The following NDST4 variants were observed in gnomAD, a reference collection of about 807,000 sequenced individuals.
NDST4 encodes N-heparan sulfate sulfotransferase 4.
A neutral mutation model predicts 100.8 loss-of-function variants in NDST4; 63 were observed. The observed-to-expected ratio is 0.62, with a 90% CI of 0.51 to 0.77. The LOEUF is 0.77. Ranked by LOEUF, NDST4 falls within the 30% of genes least tolerant of loss-of-function variation. NDST4 has a pLI of 0.00. For missense variants in NDST4, 943 were observed against 1,018.4 expected, an observed-to-expected ratio of 0.93 and a Z score of 1.01; for synonymous variants, 377 against 361.8, an observed-to-expected ratio of 1.04 and a Z score of -0.48.
intron 2 of NDST4, among the ~76,000 whole-genome samples, chr4:115,018,385 C>A (rs1346329533): frequency 6.6e-6 from 1 of 151,794 alleles, no homozygotes; most frequent in African/African-American, 2.4e-5. Context: ...ATCTCTTTTT[C>A]CACATAAACA....
At chr4:114,876,411 A>G (rs1724255121) in intron 6 of NDST4, among the ~76,000 whole-genome samples, 1 of 152,262 alleles carries the variant, frequency 6.6e-6, no homozygotes, top group Non-Finnish European at 1.5e-5. Flanking sequence ...TTGTACTCAC[A>G]TTTTTCTTAT....
intron 2 of NDST4, among the ~76,000 whole-genome samples, chr4:115,059,641 T>C (rs1728776823): frequency 6.6e-6 from 1 of 152,070 alleles, no homozygotes; most frequent in African/African-American, 2.4e-5. Flanking sequence ...ATCTATCTTT[T>C]AACCCGCTTT....
chr4:114,866,083 A>G (rs1560785564), intron 7 of NDST4, among the ~76,000 whole-genome samples: 1 of 152,228 alleles, frequency 6.6e-6, no homozygotes, highest in Non-Finnish European at 1.5e-5. Flanking sequence ...ATTTCACTGA[A>G]AAGACTAAAA....
At chr4:115,074,070 G>A (rs962079037) in intron 2 of NDST4, among the ~76,000 whole-genome samples, 6 of 151,726 alleles carry the variant, frequency 4.0e-5, no homozygotes, top group African/African-American at 1.5e-4. Flanking sequence ...TCAATATATA[G>A]GATATAATTC....
At chr4:114,903,245 C>T (rs952642099) in intron 6 of NDST4, among the ~76,000 whole-genome samples, 2 of 152,038 alleles carry the variant, frequency 1.3e-5, no homozygotes, top group Non-Finnish European at 2.9e-5. Flanking sequence ...AATATTTTCT[C>T]TCGAGGACAG....
chr4:114,869,951 A>T (rs558295770), intron 7 of NDST4, among the ~76,000 whole-genome samples: 1 of 152,282 alleles, frequency 6.6e-6, no homozygotes, highest in African/African-American at 2.4e-5. Flanking sequence ...AGAGAGGATG[A>T]CAAAAAGTCT....
At chr4:114,952,808 A>T (rs569750355) in intron 4 of NDST4, among the ~76,000 whole-genome samples, 1 of 152,220 alleles carries the variant, frequency 6.6e-6, no homozygotes, top group African/African-American at 2.4e-5. Context: ...CTTGTTATTC[A>T]ATATGTGAAT....
chr4:115,041,824 C>T (rs1007414225), intron 2 of NDST4, among the ~76,000 whole-genome samples: 51 of 151,906 alleles, frequency 3.4e-4, no homozygotes, highest in Non-Finnish European at 1.5e-5. Flanking sequence ...AGACTATATC[C>T]CTCAGATATT....
chr4:114,886,047 A>G (rs994667801), intron 6 of NDST4, among the ~76,000 whole-genome samples: 2 of 152,102 alleles, frequency 1.3e-5, no homozygotes, highest in African/African-American at 4.8e-5. Context: ...ATACTGAACT[A>G]GGGAGGTCAC....
chr4:114,934,598 A>T (rs1486945316), intron 6 of NDST4, among the ~76,000 whole-genome samples: 1 of 151,556 alleles, frequency 6.6e-6, no homozygotes, highest in African/African-American at 2.4e-5. Flanking sequence ...AAAAATAAAA[A>T]GTTGAACTCA....
At chr4:115,038,790 A>G (rs952441000) in intron 2 of NDST4, among the ~76,000 whole-genome samples, 1 of 152,178 alleles carries the variant, frequency 6.6e-6, no homozygotes, top group African/African-American at 2.4e-5. Context: ...AGCTTGGGCA[A>G]CATAGTAAAA....
chr4:114,834,946 A>C (rs1341841537), intron 11 of NDST4, among the ~76,000 whole-genome samples: 1 of 152,152 alleles, frequency 6.6e-6, no homozygotes, highest in African/African-American at 2.4e-5. Flanking sequence ...CTGTGGGATC[A>C]ATGGTAATAT....
chr4:115,033,157 ATTTTTTT>A (rs1192796806), intron 2 of NDST4, among the ~76,000 whole-genome samples: 1 of 59,948 alleles, frequency 1.7e-5, no homozygotes, highest in African/African-American at 5.8e-5. Context: ...ATATATATAT[ATTTTTTT>A]TTTTTTTGAA....
intron 6 of NDST4, among the ~76,000 whole-genome samples, chr4:114,916,536 CTGTGTG>C (rs537961796): frequency 0.04 from 5,139 of 129,114 alleles, 99 homozygotes; most frequent in African/African-American, 0.063. Flanking sequence ...CTGGTAGGCT[CTGTGTG>C]TGTGTGTGTG....
chr4:114,877,727 C>T (rs939220155), intron 6 of NDST4, among the ~76,000 whole-genome samples: 9 of 152,076 alleles, frequency 5.9e-5, no homozygotes, highest in African/African-American at 1.9e-4. Context: ...GCGGGCAGAT[C>T]ACCCGAAGTA....
chr4:114,924,968 T>C (rs187420571), intron 6 of NDST4, among the ~76,000 whole-genome samples: 54 of 152,220 alleles, frequency 3.5e-4, no homozygotes, highest in Admixed American at 2.6e-3. Flanking sequence ...AATATGTACA[T>C]CTATTATGTA....
At chr4:114,882,411 T>C (rs963048354) in intron 6 of NDST4, among the ~76,000 whole-genome samples, 4 of 152,046 alleles carry the variant, frequency 2.6e-5, no homozygotes, top group Admixed American at 2.0e-4. Context: ...AAGAACCACA[T>C]AGGCCTCCCT....
At chr4:115,106,609 G>T (rs1729838074) in intron 1 of NDST4, among the ~76,000 whole-genome samples, 1 of 152,070 alleles carries the variant, frequency 6.6e-6, no homozygotes, top group Admixed American at 6.6e-5. Context: ...ATTATTTAGA[G>T]AGTAATGACA....
chr4:115,034,179 C>G (rs1560574659), intron 2 of NDST4, among the ~76,000 whole-genome samples: 1 of 151,894 alleles, frequency 6.6e-6, no homozygotes. Flanking sequence ...CCTGCTGGCT[C>G]AAAAAAATAT....
Sources: allele counts gnomAD v4.1 joint callset (sites outside exome capture counted in the v4.1 genomes callset), GRCh38; gene constraint gnomAD v4.1.1; transcripts MANE v1.5; gene names NCBI Gene and HGNC (gene_info 2026-07-23, HGNC 2026-07-21).